Variants in ARHGAP40 observed in about 807,000 individuals in gnomAD.
The protein encoded by ARHGAP40 is Rho GTPase activating protein 40.
Under a neutral mutation model 73.5 loss-of-function variants are expected in ARHGAP40, and 43 were observed. The ratio of observed to expected loss-of-function variants is 0.58; its 90% CI spans 0.46 to 0.75. The LOEUF is 0.75. Ranked by LOEUF, ARHGAP40 falls within the 30% of genes least tolerant of loss-of-function variation. The pLI, the probability that ARHGAP40 is intolerant of heterozygous loss-of-function variation, is 0.00. For missense variants in ARHGAP40, 734 were observed against 861.8 expected (o/e 0.85, Z 1.86); for synonymous variants, 300 against 352.8 (o/e 0.85, Z 1.68).
intron 1 of ARHGAP40, among the ~76,000 whole-genome samples, chr20:38,619,141 A>G (rs2088860218): frequency 6.6e-6 from 1 of 152,190 alleles, no homozygotes; most frequent in Non-Finnish European, 1.5e-5. Flanking sequence ...CTGAGACAGG[A>G]CATTCCAGGC....
intron 10 of ARHGAP40, 89 bp from the exon 11 acceptor site, chr20:38,643,615 C>G: frequency 9.0e-7 from 1 of 1,106,852 alleles, no homozygotes; most frequent in Non-Finnish European, 1.2e-6. Flanking sequence ...TCCTAGCACC[C>G]CCTTATCATT....
intron 9 of ARHGAP40, among the ~76,000 whole-genome samples, chr20:38,639,624 G>A (rs907446586): frequency 6.6e-6 from 1 of 152,250 alleles, no homozygotes; most frequent in African/African-American, 2.4e-5. Flanking sequence ...TGTGAGGAGA[G>A]GAGGCTAAGG....
intron 1 of ARHGAP40, among the ~76,000 whole-genome samples, chr20:38,609,225 C>T (rs2088791006): frequency 6.6e-6 from 1 of 152,164 alleles, no homozygotes; most frequent in South Asian, 2.1e-4. Flanking sequence ...CCTGCCTCCA[C>T]CCTCAGGAGT....
At chr20:38,641,745 G>A (rs750676401) in exon 10 of ARHGAP40, 3 of 1,294,978 alleles carry the variant, frequency 2.3e-6, no homozygotes, top group South Asian at 2.5e-5. Context: ...ACCTGAAGCA[G>A]CGCCTGCAGG....
intron 1 of ARHGAP40, among the ~76,000 whole-genome samples, chr20:38,614,197 T>C (rs1376296913): frequency 6.6e-6 from 1 of 152,144 alleles, no homozygotes; most frequent in Non-Finnish European, 1.5e-5. Context: ...TGGGTAGGCA[T>C]GAAGAATCCA....
exon 15 of ARHGAP40, chr20:38,650,086 T>G (rs1339137125): frequency 2.8e-6 from 1 of 358,826 alleles, no homozygotes; most frequent in African/African-American, 2.1e-5. Context: ...ACTGTAGCCA[T>G]GATCAGCCCT....
rs564436043 is a variant in ARHGAP40, at chr20:38,615,004, T to G, written c.138-8355T>G. 8 of 1,187,982 alleles carry G rather than the reference T, an allele frequency of 6.7e-6. No homozygotes were observed. In the African/African-American group the frequency reaches 1.2e-4, roughly 18 times the overall value. 73.6% of individuals were successfully genotyped at this position (1,187,982 alleles called of 1,614,324 possible). A position where few individuals can be genotyped will look rare whatever the true frequency, so the allele number is the denominator to read the frequency against. ...AGCGCTTGTGTGAGGAAAGTCCCGC[T>G]GGGGTTGATCTCCATCAAGGTCAAG... On this transcript the variant is annotated intron_variant, in intron 1 of 14. Transcript: ENST00000373345.
At chr20:38,640,151 C>T (rs75781564) in intron 9 of ARHGAP40, among the ~76,000 whole-genome samples, 3 of 136,766 alleles carry the variant, frequency 2.2e-5, no homozygotes, top group African/African-American at 6.1e-5. Flanking sequence ...TTTCTTCTTC[C>T]TCTTCTTTCT....
intron 1 of ARHGAP40, among the ~76,000 whole-genome samples, chr20:38,617,235 C>T (rs73101915): frequency 0.072 from 11,032 of 152,286 alleles, 413 homozygotes; most frequent in South Asian, 0.15. Flanking sequence ...CTTGCTCCCT[C>T]GGTCATGCTG....
intron 1 of ARHGAP40, among the ~76,000 whole-genome samples, chr20:38,617,195 C>T (rs2088845811): frequency 6.6e-6 from 1 of 152,218 alleles, no homozygotes; most frequent in African/African-American, 2.4e-5. Flanking sequence ...TCAGCCACAC[C>T]TCCACCGACT....
chr20:38,637,345 C>T (rs2088981478), intron 6 of ARHGAP40, among the ~76,000 whole-genome samples: 1 of 152,038 alleles, frequency 6.6e-6, no homozygotes, highest in Non-Finnish European at 1.5e-5. Flanking sequence ...GACAGGGTTT[C>T]GCCATGTTGG....
At chr20:38,604,529 A>G (rs2088759686) in intron 1 of ARHGAP40, among the ~76,000 whole-genome samples, 1 of 151,524 alleles carries the variant, frequency 6.6e-6, no homozygotes, top group South Asian at 2.1e-4. Context: ...TTGAGTAGCT[A>G]GGATTACAGG....
intron 1 of ARHGAP40, chr20:38,615,500 G>A: frequency 1.5e-6 from 1 of 658,620 alleles, no homozygotes; most frequent in Non-Finnish European, 2.8e-6. Flanking sequence ...GCCAGCTCGG[G>A]CCTCACAGTC....
chr20:38,601,915 C>A lies in ARHGAP40; in HGVS notation c.-28C>A, dbSNP rs746848808. 1.0e-5 allele frequency: 13 copies of A among 1,287,468 alleles called. No individual in the cohort carries two copies. The African/African-American group carries it at 1.8e-4, about 18-fold the overall frequency. The allele number at this position is 1,287,468 out of a possible 1,614,324, so 79.8% of individuals were successfully genotyped here. A position where few individuals can be genotyped will look rare whatever the true frequency, so the allele number is the denominator to read the frequency against. ...CAGCCCCACGGCGGCAGCACCACGA[C>A]CGACCGGGATCCTCGAGGTGCCAGC... On this transcript the variant is annotated 5_prime_UTR_variant, in exon 1 of 15. Transcript: ENST00000373345.
exon 4 of ARHGAP40, chr20:38,628,947 C>G (rs6070809): frequency 0.31 from 403,168 of 1,301,856 alleles, 64,365 homozygotes; most frequent in African/African-American, 0.51. Flanking sequence ...CAGAGAATGG[C>G]GACTCCGGTA....
chr20:38,637,168 A>G (rs2088980174), intron 6 of ARHGAP40, among the ~76,000 whole-genome samples: 1 of 150,730 alleles, frequency 6.6e-6, no homozygotes, highest in Non-Finnish European at 1.5e-5. Context: ...TCTGTGAGAC[A>G]GAACTTTGCT....
In ARHGAP40 at chr20:38,646,933, A is replaced by G. The variant is rs1047407759; in HGVS notation, c.1711-24A>G. On this transcript the variant is annotated intron_variant, in intron 12 of 14. Coordinates refer to ENST00000373345, the Ensembl canonical transcript of ARHGAP40. The surrounding 1 kb of genome is among the most constrained non-coding windows in gnomAD (Gnocchi z 4.5). ...GGCAAGCTGACTCTTATGTATATGG[A>G]TCTTTCTCTCTCTCTCTCTGCAGAC... is the stretch of plus-strand genomic sequence containing the variant. 42 of 1,299,448 alleles carry G rather than the reference A, an allele frequency of 3.2e-5. No homozygotes were observed. Among genetic ancestry groups the G allele is most frequent in the Non-Finnish European group, 4.3e-5 (42 of 985,604 alleles). 80.5% of individuals were successfully genotyped at this position (1,299,448 alleles called of 1,614,324 possible). A position where few individuals can be genotyped will look rare whatever the true frequency, so the allele number is the denominator to read the frequency against.
chr20:38,611,420 T>TA, intron 1 of ARHGAP40, among the ~76,000 whole-genome samples: 1 of 150,136 alleles, frequency 6.7e-6, no homozygotes, highest in African/African-American at 2.5e-5. Context: ...AAACTTTTTT[T>TA]TTTTTTTTTT....
intron 1 of ARHGAP40, among the ~76,000 whole-genome samples, chr20:38,617,236 G>A (rs1014075155): frequency 1.4e-4 from 21 of 152,160 alleles, no homozygotes; most frequent in African/African-American, 4.8e-4. Context: ...TTGCTCCCTC[G>A]GTCATGCTGG....
Sources: allele counts gnomAD v4.1 joint callset (sites outside exome capture counted in the v4.1 genomes callset), GRCh38; gene constraint gnomAD v4.1.1; non-coding constraint Gnocchi (gnomAD v3.1); transcripts MANE v1.5; gene names NCBI Gene and HGNC (gene_info 2026-07-23, HGNC 2026-07-21).